The following WDR17 variants were observed in gnomAD, a reference collection of about 807,000 sequenced individuals.
WDR17 encodes WD repeat-containing protein 17.
WDR17 carries 143 observed loss-of-function variants against 161.7 expected under a neutral mutation model. The ratio of observed to expected loss-of-function variants is 0.88; its 90% CI spans 0.77 to 1.02. The LOEUF (loss-of-function observed/expected upper bound fraction) is 1.02. Ranked by LOEUF, WDR17 falls within the 50% of genes least tolerant of loss-of-function variation. The pLI is 0.00. For missense variants in WDR17, 1,469 were observed against 1,520.9 expected (o/e 0.97, Z 0.57); for synonymous variants, 517 against 515.6 (o/e 1.00, Z -0.04).
chr4:176,097,502 T>G (rs2126647347), intron 1 of WDR17, among the ~76,000 whole-genome samples: 1 of 152,068 alleles, frequency 6.6e-6, no homozygotes, highest in Non-Finnish European at 1.5e-5. Context: ...TTTTTTCAGA[T>G]ACTTTTTTTG....
At chr4:176,178,790 G>T (rs1186750350) in intron 28 of WDR17, among the ~76,000 whole-genome samples, 1 of 152,148 alleles carries the variant, frequency 6.6e-6, no homozygotes, top group Non-Finnish European at 1.5e-5. Flanking sequence ...AACAGCTTTA[G>T]AACCTAATTA....
chr4:176,084,413 A>G (rs1735158144), intron 1 of WDR17, among the ~76,000 whole-genome samples: 1 of 152,078 alleles, frequency 6.6e-6, no homozygotes, highest in African/African-American at 2.4e-5. Context: ...CCTTTTACTG[A>G]GAGAAGGCAT....
rs1475835559 is a variant in WDR17, at chr4:176,146,223, T to C, written c.1694+64T>C. 4.6e-6 allele frequency: 7 copies of C among 1,525,314 alleles called. No individual in the cohort carries two copies. In the East Asian group the frequency reaches 1.4e-4, roughly 30 times the overall value. The allele number at this position is 1,525,314 out of a possible 1,614,324, so 94.5% of individuals were successfully genotyped here. A position where few individuals can be genotyped will look rare whatever the true frequency, so the allele number is the denominator to read the frequency against. ...TCATAAGCTTATATTTTCCTAGAAA[T>C]GTACATATTTATAGGAGATATATAG... On this transcript the variant is annotated intron_variant, in intron 12 of 28. Coordinates refer to ENST00000508596, the MANE Select transcript of WDR17 (RefSeq NM_181265.4).
Position 176,130,700 on chromosome 4 carries a change from A to C in WDR17, c.914-854A>C, listed in dbSNP as rs201328431. Among the ~76,000 whole-genome samples the C allele has an allele frequency of 1.7e-4, 25 of 150,502 alleles. 1 individual carries two copies. The highest frequency in any genetic ancestry group is 8.5e-4 in the South Asian group (4 of 4,722). ...GCGGAGCTTGCAGTGAGCCGAGATCATGCCACAGCACTCCAGCCCGGGCAA... is the reference window on the plus strand; with the variant it reads ...GCGGAGCTTGCAGTGAGCCGAGATCCTGCCACAGCACTCCAGCCCGGGCAA... On this transcript the variant is annotated intron_variant, in intron 6 of 28. Coordinates refer to ENST00000508596, the MANE Select transcript of WDR17 (RefSeq NM_181265.4).
At position 176,122,838 on chromosome 4, in the gene WDR17, A is replaced by G. The variant is rs144050502; in HGVS notation, c.539-2266A>G. On this transcript the variant is annotated intron_variant, in intron 4 of 28. Coordinates refer to ENST00000508596, the MANE Select transcript of WDR17 (RefSeq NM_181265.4). ...ACGATAATGTAGTTCATCATTTTAAATCAGTAATTTTTAAACTGTGCTTTC... is the reference window on the plus strand; with the variant it reads ...ACGATAATGTAGTTCATCATTTTAAGTCAGTAATTTTTAAACTGTGCTTTC... 3.5e-3 allele frequency among the ~76,000 whole-genome samples: 540 copies of G among 152,318 alleles called. 5 individuals carry two copies. Among genetic ancestry groups the G allele is most frequent in the African/African-American group, 0.012 (508 of 41,562 alleles).
At chr4:176,132,856 A>C (rs949344994) in intron 7 of WDR17, among the ~76,000 whole-genome samples, 3 of 151,884 alleles carry the variant, frequency 2.0e-5, no homozygotes, top group Non-Finnish European at 4.4e-5. Flanking sequence ...ATAAAAAAAA[A>C]CTAGTAAGAA....
intron 10 of WDR17, among the ~76,000 whole-genome samples, chr4:176,140,554 G>A (rs2126786026): frequency 6.6e-6 from 1 of 152,126 alleles, no homozygotes; most frequent in South Asian, 2.1e-4. Flanking sequence ...AATATGTAAG[G>A]AAAAAATGCC....
intron 10 of WDR17, 131 bp from the exon 11 acceptor site, chr4:176,141,852 T>C: frequency 1.4e-6 from 1 of 692,164 alleles, no homozygotes; most frequent in South Asian, 2.8e-5. Context: ...CTTTCAAATG[T>C]TCTTTTTGCT....
intron 19 of WDR17, among the ~76,000 whole-genome samples, 181 bp downstream of exon 19, chr4:176,160,307 A>G (rs1699659910): frequency 6.6e-6 from 1 of 151,998 alleles, no homozygotes; most frequent in Non-Finnish European, 1.5e-5. Flanking sequence ...GTCACAGCGC[A>G]CTTATTTTAT....
intron 16 of WDR17, among the ~76,000 whole-genome samples, chr4:176,150,915 A>G (rs145505424): frequency 0.018 from 2,816 of 152,268 alleles, 49 homozygotes; most frequent in Non-Finnish European, 0.027. Flanking sequence ...AGGGCCTAAT[A>G]GGCTGTTCTG....
chr4:176,135,439 A>G, intron 8 of WDR17, 163 bp downstream of exon 8: 1 of 794,522 alleles, frequency 1.3e-6, no homozygotes, highest in Non-Finnish European at 2.0e-6. Context: ...GAGGTTTAAG[A>G]AGAGTCTATC....
intron 23 of WDR17, among the ~76,000 whole-genome samples, chr4:176,171,941 C>T (rs1213858003): frequency 1.3e-5 from 2 of 152,146 alleles, no homozygotes; most frequent in South Asian, 2.1e-4. Flanking sequence ...AGCCAAGTGA[C>T]GTTAAATTAC....
At position 176,065,857 on chromosome 4, in the gene WDR17, T is replaced by G. The variant is rs6822582; in HGVS notation, c.-229T>G. ...GGGCCTCTGGGGCAGACCCTGGAGATCGGGCTCGCGGCGCCTTCCATCGTG... is the reference window on the plus strand; with the variant it reads ...GGGCCTCTGGGGCAGACCCTGGAGAGCGGGCTCGCGGCGCCTTCCATCGTG... On this transcript the variant is annotated 5_prime_UTR_variant, in exon 1 of 29. Transcript: ENST00000508596. 0.62 allele frequency: 94,929 copies of G among 151,936 alleles called. 29,885 individuals are homozygous for G. Among genetic ancestry groups the G allele is most frequent in the African/African-American group, 0.65 (26,881 of 41,444 alleles). The allele number at this position is 151,936 out of a possible 1,614,324, so 9.4% of individuals were successfully genotyped here. A position where few individuals can be genotyped will look rare whatever the true frequency, so the allele number is the denominator to read the frequency against.
At chr4:176,159,906 A>G in intron 18 of WDR17, 88 bp from the exon 19 acceptor site, 1 of 1,307,580 alleles carries the variant, frequency 7.6e-7, no homozygotes, top group African/African-American at 1.5e-5. Flanking sequence ...ATCTGCTACA[A>G]ATTTTAGCCA....
At chr4:176,139,512 C>T (rs902595550) in intron 9 of WDR17, among the ~76,000 whole-genome samples, 2 of 151,892 alleles carry the variant, frequency 1.3e-5, no homozygotes, top group Admixed American at 1.3e-4. Flanking sequence ...GTTGAAGTAG[C>T]ACTGTGTTTG....
chr4:176,102,354 C>A (rs1410714702), intron 1 of WDR17, among the ~76,000 whole-genome samples: 1 of 152,172 alleles, frequency 6.6e-6, no homozygotes, highest in African/African-American at 2.4e-5. Context: ...ACACCAGATG[C>A]TGGCAAGGAT....
intron 10 of WDR17, among the ~76,000 whole-genome samples, 182 bp from the exon 11 acceptor site, chr4:176,141,801 G>A (rs931284009): frequency 6.6e-6 from 1 of 152,132 alleles, no homozygotes; most frequent in African/African-American, 2.4e-5. Context: ...TTAATATTAA[G>A]AGTTGCAAAT....
rs145503980 is a variant in WDR17, at chr4:176,131,619, A to G, written c.979A>G (p.Thr327Ala). ...AACAAGCGAAGCAGTTCCACCCCCA[A>G]CTTTAACACAGAATCAAGCATTTTC... ...SSTSEAVPPP[T>A]LTQNQAFSLP... is the part of the protein sequence containing the mutation. The change falls in exon 7 of 29, where the codon ACT becomes GCT. Residue 327 changes from threonine (T) to alanine (A), a missense_variant. Thr to Ala is a moderately conservative substitution (Grantham distance 58). Coordinates refer to ENST00000508596, the MANE Select transcript of WDR17 (RefSeq NM_181265.4). The G allele has an allele frequency of 9.9e-5, 159 of 1,613,362 alleles. No homozygotes were observed. The highest frequency in any genetic ancestry group is 1.3e-4 in the Non-Finnish European group (152 of 1,179,734).
At chr4:176,125,600 A>G (rs545333472) in intron 5 of WDR17, among the ~76,000 whole-genome samples, 2 of 143,444 alleles carry the variant, frequency 1.4e-5, no homozygotes, top group African/African-American at 2.6e-5. Context: ...CTTGGAATAT[A>G]TTATATATGT....
Sources: allele counts gnomAD v4.1 joint callset (sites outside exome capture counted in the v4.1 genomes callset), GRCh38; gene constraint gnomAD v4.1.1; transcripts MANE v1.5; gene names NCBI Gene and HGNC (gene_info 2026-07-23, HGNC 2026-07-21).